Variants in FMN1 observed in about 807,000 individuals in gnomAD.
The protein encoded by FMN1 is formin-1.
In FMN1, 110 loss-of-function variants were observed where a neutral mutation model predicts 132.4. That is an observed-to-expected ratio of 0.83 (90% confidence interval 0.71 to 0.97). The LOEUF (loss-of-function observed/expected upper bound fraction) is 0.97. Ranked by LOEUF, FMN1 falls within the 50% of genes least tolerant of loss-of-function variation. FMN1 has a pLI of 0.00. For missense variants in FMN1, 1,792 were observed against 1,705.3 expected (o/e 1.05, Z -0.90); for synonymous variants, 722 against 651.7 (o/e 1.11, Z -1.64).
chr15:32,903,848 C>A (rs2060355178), intron 12 of FMN1, among the ~76,000 whole-genome samples: 1 of 152,166 alleles, frequency 6.6e-6, no homozygotes, highest in South Asian at 2.1e-4. Flanking sequence ...GGGGTTAGGG[C>A]TTGCACTGGA....
In FMN1 at chr15:33,133,807, C is replaced by T. The variant is rs747715394; in HGVS notation, c.1867+19241G>A. Among the ~76,000 whole-genome samples the T allele has an allele frequency of 4.6e-5, 7 of 152,196 alleles. No individual in the cohort carries two copies. In the Middle Eastern group the frequency reaches 0.01, roughly 222 times the overall value. ...TTCAGAAAAGCACAATTAGGTGTGC[C>T]GACTTCCAACCTGTGCTATAGATGA... On this transcript the variant is annotated intron_variant, in intron 4 of 20. Coordinates refer to ENST00000616417, the MANE Select transcript of FMN1 (RefSeq NM_001277313.2).
At position 32,993,697 on chromosome 15, in the gene FMN1, CAAT is replaced by C. The variant is rs1053035742; in HGVS notation, c.2223+14314_2223+14316del. Among the ~76,000 whole-genome samples, 52 of 152,320 alleles carry C rather than the reference CAAT, an allele frequency of 3.4e-4. 1 individual carries two copies. The highest frequency in any genetic ancestry group is 1.2e-3 in the African/African-American group (51 of 41,572). On this transcript the variant is annotated intron_variant, in intron 7 of 20. Coordinates refer to ENST00000616417, the MANE Select transcript of FMN1 (RefSeq NM_001277313.2). The stretch of plus-strand genomic sequence containing the variant: ...GCTGTACACATTTACAGACAAGCAA[CAAT>C]GACAGTTTTCATGGTTCCAGTTTCA...
chr15:33,098,335 A>T (rs1195440721), intron 4 of FMN1, among the ~76,000 whole-genome samples: 1 of 152,208 alleles, frequency 6.6e-6, no homozygotes, highest in Non-Finnish European at 1.5e-5. Flanking sequence ...ATTAACTCAT[A>T]GCAAAGTGGA....
intron 7 of FMN1, among the ~76,000 whole-genome samples, chr15:33,006,371 T>C (rs2034415779): frequency 6.6e-6 from 1 of 151,830 alleles, no homozygotes; most frequent in Admixed American, 6.6e-5. Context: ...AGAATCGCTA[T>C]TGCCAAAAAA....
chr15:32,787,154 A>C (rs996762008), intron 19 of FMN1, among the ~76,000 whole-genome samples: 1 of 151,930 alleles, frequency 6.6e-6, no homozygotes, highest in Non-Finnish European at 1.5e-5. Context: ...GTAAGAAAAA[A>C]ACAACAACAA....
At chr15:32,900,210 A>T in intron 13 of FMN1, 85 bp from the exon 14 acceptor site, 1 of 1,456,360 alleles carries the variant, frequency 6.9e-7, no homozygotes, top group Non-Finnish European at 9.6e-7. Flanking sequence ...CTGTGTACTC[A>T]ATAGGCTGTC....
chr15:33,083,111 T>C (rs1254242335), intron 5 of FMN1, among the ~76,000 whole-genome samples: 2 of 152,192 alleles, frequency 1.3e-5, no homozygotes, highest in Non-Finnish European at 2.9e-5. Flanking sequence ...TTGTGTGATA[T>C]ACTGATATAA....
chr15:32,963,765 G>C (rs2030869863), intron 9 of FMN1, among the ~76,000 whole-genome samples: 1 of 151,990 alleles, frequency 6.6e-6, no homozygotes, highest in South Asian at 2.1e-4. Context: ...GGCTGAAAAA[G>C]TCCAGATTAA....
chr15:33,090,711 C>T (rs1191742342), intron 4 of FMN1, among the ~76,000 whole-genome samples: 2 of 152,140 alleles, frequency 1.3e-5, no homozygotes, highest in East Asian at 1.9e-4. Flanking sequence ...CATTTAGGGT[C>T]TCACATGCTT....
intron 15 of FMN1, among the ~76,000 whole-genome samples, chr15:32,896,451 CATG>C (rs1034501880): frequency 6.6e-6 from 1 of 152,086 alleles, no homozygotes; most frequent in Non-Finnish European, 1.5e-5. Flanking sequence ...CCCCCTATAA[CATG>C]ATATCTGTTC....
intron 17 of FMN1, among the ~76,000 whole-genome samples, chr15:32,811,689 G>C (rs1466424211): frequency 6.6e-6 from 1 of 151,294 alleles, no homozygotes; most frequent in Non-Finnish European, 1.5e-5. Flanking sequence ...TTTTGAGACG[G>C]AGTCTCGCTC....
rs537820179 is a variant in FMN1 at position 33,120,932 on chromosome 15, T to A, written c.1868-31958A>T. 2.0e-5 allele frequency among the ~76,000 whole-genome samples: 3 copies of A among 152,344 alleles called. No homozygotes were observed. In the South Asian group the frequency reaches 6.2e-4, roughly 32 times the overall value. On this transcript the variant is annotated intron_variant, in intron 4 of 20. Coordinates refer to ENST00000616417, the MANE Select transcript of FMN1 (RefSeq NM_001277313.2). ...ATACACTGAACTACTTATAGTACAG[T>A]AAGCCCATCATCTTGGATGCAAAGT...
chr15:32,846,714 T>C (rs147893941), intron 17 of FMN1, among the ~76,000 whole-genome samples: 67 of 152,344 alleles, frequency 4.4e-4, no homozygotes, highest in African/African-American at 1.4e-3. Flanking sequence ...TACTGGTATA[T>C]ACCCAAAGGA....
chr15:33,149,963 A>G (rs1222204785), intron 4 of FMN1: 2 of 984,994 alleles, frequency 2.0e-6, no homozygotes, highest in Non-Finnish European at 2.4e-6. Flanking sequence ...ATAAGTTGAC[A>G]TTAATTACAT....
intron 4 of FMN1, among the ~76,000 whole-genome samples, chr15:33,148,254 T>C (rs766068204): frequency 1.3e-5 from 2 of 152,220 alleles, no homozygotes; most frequent in African/African-American, 4.8e-5. Context: ...CTGTAGCCAC[T>C]ACTTCCACTT....
intron 6 of FMN1, among the ~76,000 whole-genome samples, chr15:33,051,431 G>A (rs1320137137): frequency 6.6e-6 from 1 of 152,158 alleles, no homozygotes; most frequent in Non-Finnish European, 1.5e-5. Flanking sequence ...AGCAGGGCAG[G>A]AGAGGGTCCC....
At chr15:32,781,849 A>G (rs1437191599) in intron 19 of FMN1, among the ~76,000 whole-genome samples, 1 of 152,204 alleles carries the variant, frequency 6.6e-6, no homozygotes, top group Non-Finnish European at 1.5e-5. Context: ...ACTATATGTG[A>G]TTACTGATCA....
At chr15:32,880,590 T>C (rs1269672054) in intron 16 of FMN1, among the ~76,000 whole-genome samples, 1 of 152,220 alleles carries the variant, frequency 6.6e-6, no homozygotes, top group Admixed American at 6.5e-5. Flanking sequence ...GGGACAGCAC[T>C]TTCTTTAGTA....
At chr15:32,897,484 T>C (rs535446687) in intron 15 of FMN1, among the ~76,000 whole-genome samples, 1 of 152,326 alleles carries the variant, frequency 6.6e-6, no homozygotes, top group Admixed American at 6.5e-5. Context: ...GAGACAAAGA[T>C]ACTTTCAGTG....
Sources: gnomAD v4.1 joint callset for allele counts (sites outside exome capture counted in the v4.1 genomes callset) on GRCh38, gnomAD v4.1.1 for gene constraint, MANE v1.5 for transcripts, NCBI Gene and HGNC (gene_info 2026-07-23, HGNC 2026-07-21) for gene names.